The following DLGAP2 variants were observed in gnomAD, a reference collection of about 807,000 sequenced individuals.
The protein encoded by DLGAP2 is DLG associated protein 2.
In DLGAP2, 26 loss-of-function variants were observed where a neutral mutation model predicts 100.3. The ratio of observed to expected loss-of-function variants is 0.26; its 90% CI spans 0.19 to 0.36. DLGAP2 has a LOEUF of 0.36. Among genes scored for constraint, DLGAP2 ranks in the 10% least tolerant of loss-of-function variants. DLGAP2 has a pLI of 1.00. For missense variants in DLGAP2, 1,858 were observed against 1,453.2 expected (o/e 1.28, Z -4.53); for synonymous variants, 886 against 630.1 (o/e 1.41, Z -6.08).
chr8:1,408,688 G>A (rs1796644284), intron 3 of DLGAP2, among the ~76,000 whole-genome samples: 1 of 152,174 alleles, frequency 6.6e-6, no homozygotes. Flanking sequence ...GCAAGTCCTT[G>A]TTTCAGGCTT....
intron 1 of DLGAP2, 89 bp from the exon 2 acceptor site, chr8:907,823 T>C (rs1226123618): frequency 7.6e-6 from 3 of 397,156 alleles, no homozygotes; most frequent in Non-Finnish European, 1.3e-5. Context: ...TGAACTACCT[T>C]ATTAGAAGAA....
Position 1,274,056 on chromosome 8 carries a change from A to G in DLGAP2, c.106+15173A>G, listed in dbSNP as rs193213831. 2.7e-3 allele frequency among the ~76,000 whole-genome samples: 418 copies of G among 152,300 alleles called. 1 individual carries two copies. The highest frequency in any genetic ancestry group is 9.7e-3 in the African/African-American group (405 of 41,570). ...AAAAGCTTTGAGATAAAATCATTAG[A>G]ATTCTAACAGCGTGACGGCTCTGTT... On this transcript the variant is annotated intron_variant, in intron 3 of 14. Transcript: ENST00000637795.
At chr8:826,936 C>T (rs1796694855) in intron 1 of DLGAP2, among the ~76,000 whole-genome samples, 1 of 152,234 alleles carries the variant, frequency 6.6e-6, no homozygotes, top group South Asian at 2.1e-4. Flanking sequence ...TCCATTCTCT[C>T]TCACTAGAGG....
At chr8:1,056,992 C>T (rs909729140) in intron 2 of DLGAP2, among the ~76,000 whole-genome samples, 3 of 152,204 alleles carry the variant, frequency 2.0e-5, no homozygotes, top group East Asian at 1.9e-4. Context: ...AGACCGTGTT[C>T]GTTAGTTTTC....
chr8:1,349,503 G>GGT (rs1390390011), intron 3 of DLGAP2, among the ~76,000 whole-genome samples: 1 of 142,608 alleles, frequency 7.0e-6, no homozygotes, highest in Non-Finnish European at 1.5e-5. Context: ...TCCACACACA[G>GGT]GTAGAAAGGG....
At chr8:1,217,162 C>G (rs915290135) in intron 2 of DLGAP2, among the ~76,000 whole-genome samples, 11 of 152,160 alleles carry the variant, frequency 7.2e-5, no homozygotes, top group Non-Finnish European at 1.6e-4. Flanking sequence ...TCTTTGTGCT[C>G]ATGAATTCTC....
intron 1 of DLGAP2, among the ~76,000 whole-genome samples, chr8:785,444 A>T (rs932116424): frequency 9.6e-5 from 14 of 146,296 alleles, no homozygotes; most frequent in African/African-American, 3.6e-4. Context: ...TCCTCCCCTC[A>T]GGTCTCTCTG....
intron 2 of DLGAP2, among the ~76,000 whole-genome samples, chr8:1,050,546 G>T (rs760951407): frequency 7.1e-4 from 108 of 152,130 alleles, no homozygotes; most frequent in Non-Finnish European, 7.6e-4. Context: ...GGTTTATTAG[G>T]AAGTAACCCC....
At chr8:1,023,634 C>T (rs1350336193) in intron 2 of DLGAP2, among the ~76,000 whole-genome samples, 1 of 150,992 alleles carries the variant, frequency 6.6e-6, no homozygotes, top group Non-Finnish European at 1.5e-5. Flanking sequence ...ACCTGGTGAT[C>T]ATTGTTCCCC....
At chr8:1,197,638 C>G (rs1416750357) in intron 2 of DLGAP2, among the ~76,000 whole-genome samples, 4 of 150,482 alleles carry the variant, frequency 2.7e-5, no homozygotes, top group Non-Finnish European at 5.9e-5. Flanking sequence ...TCCATATAAA[C>G]CTGAGCCACG....
chr8:1,484,085 G>A (rs185555020), intron 3 of DLGAP2, among the ~76,000 whole-genome samples: 14 of 152,336 alleles, frequency 9.2e-5, no homozygotes, highest in East Asian at 5.8e-4. Context: ...AGACAAAGCC[G>A]GCTTCCTTCC....
intron 3 of DLGAP2, among the ~76,000 whole-genome samples, chr8:1,274,316 C>T: frequency 6.6e-6 from 1 of 152,170 alleles, no homozygotes; most frequent in East Asian, 1.9e-4. Flanking sequence ...TGTGCCCCCA[C>T]ACAGACTCTC....
chr8:1,623,327 TGACCTGGCACCAGTGTGTGAA>T (rs1485926575), intron 6 of DLGAP2, among the ~76,000 whole-genome samples: 1 of 152,096 alleles, frequency 6.6e-6, no homozygotes, highest in African/African-American at 2.4e-5. Context: ...CAGTGTGTGA[TGACCTGGCACCAGTGTGTGAA>T]GACCTGTGCG....
At chr8:996,537 G>A (rs183171473) in intron 2 of DLGAP2, among the ~76,000 whole-genome samples, 3 of 152,332 alleles carry the variant, frequency 2.0e-5, no homozygotes, top group Admixed American at 1.3e-4. Flanking sequence ...CTACATTAAT[G>A]AAAGTCCTTC....
intron 3 of DLGAP2, among the ~76,000 whole-genome samples, chr8:1,354,055 G>A (rs773003394): frequency 3.3e-4 from 50 of 152,182 alleles, no homozygotes; most frequent in Non-Finnish European, 4.8e-4. Flanking sequence ...AATAGGTGCA[G>A]GCTTCAGGGG....
rs141668196 is a variant in DLGAP2 at position 788,229 on chromosome 8, T to A, written c.18+50404T>A. 4.0e-3 allele frequency among the ~76,000 whole-genome samples: 611 copies of A among 152,356 alleles called. 5 individuals are homozygous for A. The highest frequency in any genetic ancestry group is 0.014 in the African/African-American group (579 of 41,584). ...TGATCCTGTATTTTCTCACACAGCG[T>A]CCTGTTGTTATTCTGTAGCCAAATG... is the stretch of plus-strand genomic sequence containing the variant. On this transcript the variant is annotated intron_variant, in intron 1 of 14. Coordinates refer to ENST00000637795, the MANE Select transcript of DLGAP2 (RefSeq NM_001346810.2).
intron 1 of DLGAP2, among the ~76,000 whole-genome samples, chr8:797,939 A>G (rs1249851760): frequency 1.3e-5 from 2 of 151,630 alleles, no homozygotes; most frequent in African/African-American, 4.8e-5. Context: ...TTTAGTAGAG[A>G]TGGGGTTTCA....
intron 2 of DLGAP2, among the ~76,000 whole-genome samples, chr8:1,159,776 T>G (rs1796855303): frequency 6.6e-6 from 1 of 152,218 alleles, no homozygotes; most frequent in Non-Finnish European, 1.5e-5. Context: ...AGTGAAGTAT[T>G]CAAGGAACGA....
At chr8:817,857 G>A (rs1231685167) in intron 1 of DLGAP2, among the ~76,000 whole-genome samples, 2 of 152,194 alleles carry the variant, frequency 1.3e-5, no homozygotes, top group Admixed American at 6.5e-5. Flanking sequence ...CACCTGCTCC[G>A]GCGGAGGGGG....
Sources: gnomAD v4.1 joint callset for allele counts (sites outside exome capture counted in the v4.1 genomes callset) on GRCh38, gnomAD v4.1.1 for gene constraint, MANE v1.5 for transcripts, NCBI Gene and HGNC (gene_info 2026-07-23, HGNC 2026-07-21) for gene names.